Variants in GRIK4 observed in about 807,000 individuals in gnomAD.
The protein encoded by GRIK4 is glutamate receptor ionotropic, kainate 4.
Under a neutral mutation model 104.9 loss-of-function variants are expected in GRIK4, and 40 were observed. That is an observed-to-expected ratio of 0.38 (90% CI 0.30 to 0.50). The LOEUF is 0.50. Ranked by LOEUF, GRIK4 falls within the 20% of genes least tolerant of loss-of-function variation. The probability of loss-of-function intolerance (pLI) is 0.93; values close to 1 mark genes in which losing one functional copy is unlikely to be tolerated. For synonymous variants in GRIK4, 485 were observed against 524.9 expected (o/e 0.92, Z 1.04); for missense variants, 1,047 against 1,308.1 (o/e 0.80, Z 3.08).
chr11:120,703,721 T>G (rs1429514391), intron 3 of GRIK4, among the ~76,000 whole-genome samples: 3 of 152,192 alleles, frequency 2.0e-5, no homozygotes, highest in African/African-American at 7.2e-5. Context: ...TTACTTAAAC[T>G]TGTTTTTGGA....
chr11:120,875,059 G>A (rs1188651348), intron 10 of GRIK4, 80 bp from the exon 11 acceptor site: 1 of 872,594 alleles, frequency 1.1e-6, no homozygotes, highest in Non-Finnish European at 2.0e-6. Context: ...TCCTTAAATA[G>A]CCCCTGTGTA....
chr11:120,913,780 TC>T (rs1002024636), intron 13 of GRIK4, among the ~76,000 whole-genome samples: 2 of 150,750 alleles, frequency 1.3e-5, no homozygotes, highest in Non-Finnish European at 2.9e-5. Context: ...GGAGGGAGCT[TC>T]CCAGAGGCCT....
intron 3 of GRIK4, among the ~76,000 whole-genome samples, chr11:120,776,802 C>A (rs1263983992): frequency 6.6e-6 from 1 of 152,192 alleles, no homozygotes; most frequent in African/African-American, 2.4e-5. Context: ...GAGGCCTTAG[C>A]ACCTGGCGGT....
intron 3 of GRIK4, among the ~76,000 whole-genome samples, chr11:120,772,339 T>C (rs1271674408): frequency 6.6e-6 from 1 of 152,210 alleles, no homozygotes; most frequent in African/African-American, 2.4e-5. Context: ...GCCAGTATAT[T>C]AGATGTCTAG....
At chr11:120,609,464 C>G (rs1949004300) in intron 1 of GRIK4, among the ~76,000 whole-genome samples, 1 of 150,150 alleles carries the variant, frequency 6.7e-6, no homozygotes, top group Admixed American at 6.6e-5. Flanking sequence ...GTAGCTTTCC[C>G]TACCTTTGTT....
At chr11:120,818,783 A>G (rs916376978) in intron 5 of GRIK4, among the ~76,000 whole-genome samples, 1 of 152,204 alleles carries the variant, frequency 6.6e-6, no homozygotes, top group Non-Finnish European at 1.5e-5. Context: ...CTGGAAGCCA[A>G]TCTACTCACC....
chr11:120,587,942 A>G (rs771084807), intron 1 of GRIK4, among the ~76,000 whole-genome samples: 1 of 152,312 alleles, frequency 6.6e-6, no homozygotes. Flanking sequence ...CCATCCTGAT[A>G]TGGCATAATT....
chr11:120,910,071 C>T (rs1942957918), intron 13 of GRIK4, among the ~76,000 whole-genome samples: 2 of 152,116 alleles, frequency 1.3e-5, no homozygotes, highest in African/African-American at 4.8e-5. Flanking sequence ...CCTCTGGTGC[C>T]TCTCTCTATC....
At chr11:120,543,501 G>A (rs899917139) in intron 1 of GRIK4, among the ~76,000 whole-genome samples, 30 of 79,974 alleles carry the variant, frequency 3.8e-4, no homozygotes, top group African/African-American at 4.1e-4. Context: ...CTTGAACCCG[G>A]GAGGCGGATG....
At chr11:120,649,167 G>A (rs760499294) in intron 1 of GRIK4, among the ~76,000 whole-genome samples, 1 of 152,184 alleles carries the variant, frequency 6.6e-6, no homozygotes, top group African/African-American at 2.4e-5. Context: ...CACCGCTCAC[G>A]TTGCTGGGGA....
chr11:120,879,834 A>G (rs1954915439), intron 11 of GRIK4, among the ~76,000 whole-genome samples: 1 of 152,200 alleles, frequency 6.6e-6, no homozygotes, highest in Non-Finnish European at 1.5e-5. Flanking sequence ...GATGGCCTGG[A>G]CAGTATTAGG....
chr11:120,694,979 C>T (rs112367089), intron 3 of GRIK4, among the ~76,000 whole-genome samples: 2,150 of 152,284 alleles, frequency 0.014, 47 homozygotes, highest in African/African-American at 0.046. Flanking sequence ...TTCCTTTTCC[C>T]CTTCAGAGCA....
At chr11:120,683,822 T>C (rs539346779) in intron 3 of GRIK4, among the ~76,000 whole-genome samples, 1 of 152,268 alleles carries the variant, frequency 6.6e-6, no homozygotes, top group South Asian at 2.1e-4. Context: ...AGGCTAGCCA[T>C]AGAAAAGTAA....
intron 3 of GRIK4, among the ~76,000 whole-genome samples, chr11:120,778,949 G>A (rs75653249): frequency 3.6e-4 from 55 of 152,308 alleles, no homozygotes; most frequent in African/African-American, 1.3e-3. Context: ...TCAGACTCAC[G>A]GCGGGGCTCC....
At chr11:120,518,261 AC>A (rs1168566825) in intron 1 of GRIK4, among the ~76,000 whole-genome samples, 7 of 152,114 alleles carry the variant, frequency 4.6e-5, no homozygotes, top group Non-Finnish European at 1.0e-4. Context: ...ATGCAAGCCC[AC>A]CCTGGCCTCC....
chr11:120,557,523 T>A (rs1948199206), intron 1 of GRIK4, among the ~76,000 whole-genome samples: 1 of 152,202 alleles, frequency 6.6e-6, no homozygotes, highest in Non-Finnish European at 1.5e-5. Context: ...ACGACCTATC[T>A]AGCGCTTCCC....
chr11:120,627,797 C>A (rs1949280617), intron 1 of GRIK4, among the ~76,000 whole-genome samples: 1 of 152,208 alleles, frequency 6.6e-6, no homozygotes, highest in African/African-American at 2.4e-5. Context: ...AAGAGCTGCT[C>A]CCATCTGGCT....
intron 3 of GRIK4, among the ~76,000 whole-genome samples, chr11:120,693,748 T>C (rs1208976496): frequency 6.6e-6 from 1 of 152,038 alleles, no homozygotes; most frequent in African/African-American, 2.4e-5. Context: ...GGATTGGATG[T>C]GGGGTAGTGG....
intron 1 of GRIK4, among the ~76,000 whole-genome samples, chr11:120,569,214 C>A: frequency 6.6e-6 from 1 of 152,226 alleles, no homozygotes; most frequent in South Asian, 2.1e-4. Flanking sequence ...AGGCACGCCC[C>A]GCCCCATGGT....
Sources: gnomAD v4.1 joint callset for allele counts (sites outside exome capture counted in the v4.1 genomes callset) on GRCh38, gnomAD v4.1.1 for gene constraint, MANE v1.5 for transcripts, NCBI Gene and HGNC (gene_info 2026-07-23, HGNC 2026-07-21) for gene names.